The following TENM1 variants were observed in gnomAD, a reference collection of about 807,000 sequenced individuals.
TENM1 encodes the protein teneurin transmembrane protein 1.
Under a neutral mutation model 174.8 loss-of-function variants are expected in TENM1, and 35 were observed. The ratio of observed to expected loss-of-function variants is 0.20; its 90% CI spans 0.15 to 0.27. The LOEUF is 0.27. TENM1 is among the 10% of genes least tolerant of loss of function. The probability of loss-of-function intolerance (pLI) is 1.00; values close to 1 mark genes in which losing one functional copy is unlikely to be tolerated. For missense variants in TENM1, 1,633 were observed against 2,130.1 expected (o/e 0.77, Z 4.59); for synonymous variants, 781 against 798.7 (o/e 0.98, Z 0.37).
the TENM1 span, among the ~76,000 whole-genome samples, chrX:125,040,100 A>G: frequency 9.0e-6 from 1 of 111,536 alleles, no homozygotes; most frequent in Admixed American, 9.6e-5. Context: ...GACTTCCAAA[A>G]TCAAAGGGTT....
the TENM1 span, among the ~76,000 whole-genome samples, chrX:125,130,355 T>C: frequency 9.0e-6 from 1 of 110,858 alleles, no homozygotes; most frequent in East Asian, 2.8e-4. Context: ...AAAACAGAAG[T>C]AAAAACTGAA....
At position 124,661,312 on chromosome X, in the gene TENM1, A is replaced by C. The variant is rs564750185; in HGVS notation, c.1169-7529T>G. 1.3e-4 allele frequency among the ~76,000 whole-genome samples: 15 copies of C among 112,359 alleles called. No individual in the cohort carries two copies. In the South Asian group the frequency reaches 5.2e-3, roughly 39 times the overall value. ...CTTTAAATTAGTGCACAATTATATT[A>C]TGCTATATAAACTATATCTCAATAA... is the stretch of plus-strand genomic sequence containing the variant. On this transcript the variant is annotated intron_variant, in intron 6 of 31. Coordinates refer to ENST00000422452, the Ensembl canonical transcript of TENM1.
the TENM1 span, among the ~76,000 whole-genome samples, chrX:125,083,104 A>G: frequency 3.6e-5 from 4 of 111,202 alleles, no homozygotes; most frequent in Admixed American, 1.9e-4. Context: ...GCACATTGAA[A>G]TGTTTGTTGA....
chrX:124,546,417 C>T (rs143250404), intron 15 of TENM1, among the ~76,000 whole-genome samples: 227 of 111,867 alleles, frequency 2.0e-3, no homozygotes, highest in African/African-American at 7.0e-3. Flanking sequence ...AGTGACAATT[C>T]ATGCATTTGA....
chrX:124,761,893 T>G (rs1436022099), intron 3 of TENM1, among the ~76,000 whole-genome samples: 1 of 111,780 alleles, frequency 8.9e-6, no homozygotes. Context: ...TGATTACAAG[T>G]GAAGTGGAGC....
chrX:124,705,164 G>A, exon 5 of TENM1: 1 of 1,211,337 alleles, frequency 8.3e-7, no homozygotes, highest in Non-Finnish European at 1.1e-6. Context: ...GAGGGGGCGA[G>A]TACACGGTAT....
intron 4 of TENM1, among the ~76,000 whole-genome samples, chrX:124,728,165 A>G (rs2053485266): frequency 9.0e-6 from 1 of 111,492 alleles, no homozygotes; most frequent in Non-Finnish European, 1.9e-5. Context: ...ATCAAAGAAT[A>G]AAAGAAAGAA....
At chrX:124,759,045 T>C (rs2148601319) in intron 3 of TENM1, among the ~76,000 whole-genome samples, 1 of 112,089 alleles carries the variant, frequency 8.9e-6, no homozygotes, top group South Asian at 3.7e-4. Flanking sequence ...TTTTATGTGT[T>C]TTTATCAAAA....
Position 124,724,876 on chromosome X carries a change from A to C in TENM1, c.776+12081T>G, listed in dbSNP as rs765190264. Among the ~76,000 whole-genome samples, 4 of 111,735 alleles carry C rather than the reference A, an allele frequency of 3.6e-5. No individual in the cohort carries two copies. In the East Asian group the frequency reaches 1.1e-3, roughly 31 times the overall value. On this transcript the variant is annotated intron_variant, in intron 4 of 31. Transcript: ENST00000422452. Reference sequence around the variant, plus strand: ...GGGCTTTTGGCAGGGTGATTAGGCCATGAGGGTTCTGTCTTCATGAGTGGA... The same window carrying C: ...GGGCTTTTGGCAGGGTGATTAGGCCCTGAGGGTTCTGTCTTCATGAGTGGA...
At chrX:124,605,759 C>T (rs903146147) in intron 11 of TENM1, among the ~76,000 whole-genome samples, 9 of 111,394 alleles carry the variant, frequency 8.1e-5, no homozygotes, top group Non-Finnish European at 5.7e-5. Context: ...CACTGGAATA[C>T]CAATGTTGCG....
intron 1 of TENM1, among the ~76,000 whole-genome samples, chrX:124,940,939 C>T (rs1281911021): frequency 9.0e-6 from 1 of 111,375 alleles, no homozygotes; most frequent in Non-Finnish European, 1.9e-5. Flanking sequence ...ATTCATACTT[C>T]AAATATTTAT....
intron 18 of TENM1, among the ~76,000 whole-genome samples, chrX:124,515,368 G>T (rs1409607148): frequency 3.6e-5 from 4 of 111,361 alleles, no homozygotes; most frequent in African/African-American, 6.5e-5. Context: ...GCAAGAAAAA[G>T]AAATAAAAGG....
chrX:124,473,253 T>C (rs1425395325), intron 22 of TENM1, among the ~76,000 whole-genome samples: 3 of 111,752 alleles, frequency 2.7e-5, no homozygotes, highest in Non-Finnish European at 5.6e-5. Flanking sequence ...AGCTGCCACC[T>C]AGAAACTACT....
At chrX:124,597,096 C>T (rs998908373) in intron 11 of TENM1, among the ~76,000 whole-genome samples, 1 of 111,248 alleles carries the variant, frequency 9.0e-6, no homozygotes, top group African/African-American at 3.3e-5. Flanking sequence ...TAGTACAACC[C>T]TATGGAAAAC....
chrX:125,177,647 T>C, the TENM1 span, among the ~76,000 whole-genome samples: 1 of 112,085 alleles, frequency 8.9e-6, no homozygotes, highest in South Asian at 3.7e-4. Context: ...AGCTGGACTT[T>C]GCCTCACCCA....
At chrX:125,102,820 T>A in the TENM1 span, among the ~76,000 whole-genome samples, 7,853 of 111,976 alleles carry the variant, frequency 0.07, 212 homozygotes, top group Middle Eastern at 0.16. Context: ...GCATTGCCTC[T>A]ATTTCAGGTC....
rs778502702 is a variant in TENM1, at chrX:124,598,193, C to T, written c.2078-32633G>A. Among the ~76,000 whole-genome samples, 413 of 83,280 alleles carry T rather than the reference C, an allele frequency of 5.0e-3. 2 individuals carry two copies. Among genetic ancestry groups the T allele is most frequent in the Non-Finnish European group, 7.6e-3 (325 of 43,031 alleles). 72.3% of individuals were successfully genotyped at this position (83,280 alleles called of 115,157 possible). On this transcript the variant is annotated intron_variant, in intron 11 of 31. Transcript: ENST00000422452. ...AAACTGTAATGAGAAATCATCTAAC[C>T]CCAGTTAAAATGGCATACATCCAAA...
At chrX:124,727,469 T>TAA (rs1288817715) in intron 4 of TENM1, among the ~76,000 whole-genome samples, 2 of 111,252 alleles carry the variant, frequency 1.8e-5, no homozygotes, top group Non-Finnish European at 3.8e-5. Context: ...AGAGAGTAAA[T>TAA]AAGAGTAAAC....
intron 7 of TENM1, among the ~76,000 whole-genome samples, chrX:124,652,451 C>T (rs1297584692): frequency 9.0e-6 from 1 of 111,142 alleles, no homozygotes; most frequent in Non-Finnish European, 1.9e-5. Context: ...TATGAAGAAA[C>T]CCTCACTGTA....
Sources: allele counts gnomAD v4.1 joint callset (sites outside exome capture counted in the v4.1 genomes callset), GRCh38; gene constraint gnomAD v4.1.1; transcripts MANE v1.5; gene names NCBI Gene and HGNC (gene_info 2026-07-23, HGNC 2026-07-21).